Variants in SLC39A10 observed in about 807,000 individuals in gnomAD.
The protein encoded by SLC39A10 is solute carrier family 39 member 10, also known as zinc transporter ZIP10.
In SLC39A10, 13 loss-of-function variants were observed where a neutral mutation model predicts 65.1. The ratio of observed to expected loss-of-function variants is 0.20; its 90% CI spans 0.13 to 0.32. The LOEUF (loss-of-function observed/expected upper bound fraction) is 0.32, where lower values mean the gene tolerates loss of function less well. SLC39A10 is among the 10% of genes least tolerant of loss of function. SLC39A10 has a pLI of 1.00. For missense variants in SLC39A10, 831 were observed against 1,018.4 expected, an observed-to-expected ratio of 0.82 and a Z score of 2.50; for synonymous variants, 321 against 342.2, an observed-to-expected ratio of 0.94 and a Z score of 0.68.
intron 2 of SLC39A10, among the ~76,000 whole-genome samples, chr2:195,626,400 G>A (rs901266307): frequency 1.3e-5 from 2 of 152,196 alleles, no homozygotes; most frequent in Non-Finnish European, 2.9e-5. Flanking sequence ...GACCCTGACA[G>A]CAATGAATTC....
At chr2:195,672,132 T>TC (rs1299025958) in intron 1 of SLC39A10, among the ~76,000 whole-genome samples, 2 of 152,090 alleles carry the variant, frequency 1.3e-5, no homozygotes, top group Middle Eastern at 3.2e-3. Context: ...CTAAATGATT[T>TC]TTTTTTTCTT....
chr2:195,719,399 C>T (rs1392002653), intron 8 of SLC39A10, among the ~76,000 whole-genome samples: 1 of 152,164 alleles, frequency 6.6e-6, no homozygotes. Flanking sequence ...ATATGTAGCA[C>T]CTGTTATTGG....
At chr2:195,654,370 GGGTATGAAGTA>G (rs1689105636), upstream of SLC39A10, among the ~76,000 whole-genome samples, 1 of 152,164 alleles carries the variant, frequency 6.6e-6, no homozygotes. Flanking sequence ...CTAAAGATTG[GGGTATGAAGTA>G]GGTTTCTTAT....
chr2:195,641,605 CAT>C (rs529239612), intron 2 of SLC39A10, among the ~76,000 whole-genome samples: 63 of 151,934 alleles, frequency 4.1e-4, no homozygotes, highest in African/African-American at 1.4e-3. Context: ...ACTTATATCA[CAT>C]GTCAATTTAG....
intron 2 of SLC39A10, among the ~76,000 whole-genome samples, chr2:195,618,550 C>T (rs967430504): frequency 2.6e-5 from 4 of 152,136 alleles, no homozygotes; most frequent in African/African-American, 7.2e-5. Context: ...TCATTACCTC[C>T]GCTTCATGGT....
intron 3 of SLC39A10, among the ~76,000 whole-genome samples, chr2:195,684,900 T>G (rs1690465381): frequency 6.6e-6 from 1 of 152,170 alleles, no homozygotes; most frequent in Admixed American, 6.5e-5. Context: ...AATACATACT[T>G]TTTAAATCTT....
chr2:195,642,288 G>A (rs1210223042), intron 2 of SLC39A10, among the ~76,000 whole-genome samples: 1 of 152,176 alleles, frequency 6.6e-6, no homozygotes, highest in Non-Finnish European at 1.5e-5. Context: ...CAAGGCATCT[G>A]TAAGAATTGT....
chr2:195,727,740 G>A (rs1022979568), intron 8 of SLC39A10, among the ~76,000 whole-genome samples: 2 of 151,906 alleles, frequency 1.3e-5, no homozygotes, highest in African/African-American at 4.8e-5. Context: ...CTTTTTTTGT[G>A]AGTACAGTTC....
intron 1 of SLC39A10, chr2:195,674,778 A>T (rs1394963596): frequency 2.5e-6 from 1 of 393,174 alleles, no homozygotes; most frequent in South Asian, 1.0e-4. Context: ...CTATACACCT[A>T]CCTATAGAGT....
chr2:195,682,971 A>G (rs990448662), intron 2 of SLC39A10, among the ~76,000 whole-genome samples: 5 of 152,104 alleles, frequency 3.3e-5, no homozygotes, highest in East Asian at 1.9e-4. Flanking sequence ...TAGCAAGTCA[A>G]TAAACAAGCA....
intron 8 of SLC39A10, among the ~76,000 whole-genome samples, chr2:195,719,888 T>G (rs1691964159): frequency 6.6e-6 from 1 of 151,768 alleles, no homozygotes; most frequent in Non-Finnish European, 1.5e-5. Flanking sequence ...CCTCCCGGGT[T>G]CAAGTAATTC....
At chr2:195,673,053 CAAACTT>C (rs928904289) in intron 1 of SLC39A10, among the ~76,000 whole-genome samples, 28 of 152,170 alleles carry the variant, frequency 1.8e-4, no homozygotes, top group Middle Eastern at 3.2e-3. Flanking sequence ...AAAAACATCT[CAAACTT>C]AATGCTGCTT....
At position 195,736,660 on chromosome 2, in the gene SLC39A10, G is replaced by A. The variant is rs1692617175; in HGVS notation, c.*1619G>A. 6.6e-6 allele frequency: 1 copy of A among 151,944 alleles called. No homozygotes were observed. The highest frequency in any genetic ancestry group is 1.5e-5 in the Non-Finnish European group (1 of 67,900). 9.4% of individuals were successfully genotyped at this position (151,944 alleles called of 1,614,324 possible). ...GTCTTTTCTGTATGCTATAAGCAAGGGAGCTTAGGTGTTATTTCTTTAATT... is the reference window on the plus strand; with the variant it reads ...GTCTTTTCTGTATGCTATAAGCAAGAGAGCTTAGGTGTTATTTCTTTAATT... On this transcript the variant is annotated 3_prime_UTR_variant, in exon 10 of 10. Transcript: ENST00000359634.
At chr2:195,700,112 G>A (rs1445972077) in intron 3 of SLC39A10, among the ~76,000 whole-genome samples, 1 of 152,010 alleles carries the variant, frequency 6.6e-6, no homozygotes, top group African/African-American at 2.4e-5. Context: ...TTGTGTCTTT[G>A]ATGTAAAGTG....
In SLC39A10 at chr2:195,689,140, T is replaced by C. The variant is rs1461833113; in HGVS notation, c.1216+5234T>C. Reference sequence around the variant, plus strand: ...AAATTAGAGGACTGGCTAGGAGCAGTGGCTCACACCTGTAATCTCAGCACT... The same window carrying C: ...AAATTAGAGGACTGGCTAGGAGCAGCGGCTCACACCTGTAATCTCAGCACT... On this transcript the variant is annotated intron_variant, in intron 3 of 9. Coordinates refer to ENST00000359634, the MANE Select transcript of SLC39A10 (RefSeq NM_020342.3). 2.0e-5 allele frequency among the ~76,000 whole-genome samples: 3 copies of C among 152,224 alleles called. 1 individual carries two copies. Among genetic ancestry groups the C allele is most frequent in the Admixed American group, 6.5e-5 (1 of 15,280 alleles).
At chr2:195,613,531 A>G (rs570105612) in intron 2 of SLC39A10, among the ~76,000 whole-genome samples, 64 of 152,330 alleles carry the variant, frequency 4.2e-4, no homozygotes, top group Non-Finnish European at 8.1e-4. Context: ...AAAATCTGTC[A>G]ACAAACTTCT....
At chr2:195,630,917 G>A (rs550545085) in intron 2 of SLC39A10, among the ~76,000 whole-genome samples, 5 of 150,188 alleles carry the variant, frequency 3.3e-5, no homozygotes, top group South Asian at 4.1e-4. Context: ...GGCCTGGTGC[G>A]GTGGCTCATG....
intron 2 of SLC39A10, among the ~76,000 whole-genome samples, chr2:195,641,261 A>C (rs182203337): frequency 3.3e-5 from 5 of 152,272 alleles, no homozygotes; most frequent in Admixed American, 6.5e-5. Context: ...AATAGGAAGT[A>C]ATCAGAGGGT....
At position 195,716,959 on chromosome 2, in the gene SLC39A10, G is replaced by T. The variant is rs1437063679; in HGVS notation, c.2019G>T (p.Val673=). Reference sequence around the variant, plus strand: ...GAATAGCTAATATAGCCTGGATGGTGATCATGGGGGATGGCATCCACAACT... The same window carrying T: ...GAATAGCTAATATAGCCTGGATGGTTATCATGGGGGATGGCATCCACAACT... The part of the protein sequence containing the change: ...ETGIANIAWM[V]IMGDGIHNFS... The change falls in exon 7 of 10, where the codon GTG becomes GTT. Residue 673 remains valine (V), a synonymous_variant. Coordinates refer to ENST00000359634, the MANE Select transcript of SLC39A10 (RefSeq NM_020342.3). The T allele has an allele frequency of 1.2e-6, 2 of 1,614,164 alleles. No individual in the cohort carries two copies.
Sources: gnomAD v4.1 joint callset for allele counts (sites outside exome capture counted in the v4.1 genomes callset) on GRCh38, gnomAD v4.1.1 for gene constraint, MANE v1.5 for transcripts, NCBI Gene and HGNC (gene_info 2026-07-23, HGNC 2026-07-21) for gene names.